The following EXOC6B variants were observed in gnomAD, a reference collection of about 807,000 sequenced individuals.
EXOC6B encodes the protein SEC15 homolog B.
EXOC6B carries 54 observed loss-of-function variants against 113.5 expected under a neutral mutation model. The ratio of observed to expected loss-of-function variants is 0.48; its 90% CI spans 0.38 to 0.60. EXOC6B has a LOEUF of 0.60. Ranked by LOEUF, EXOC6B falls within the 20% of genes least tolerant of loss-of-function variation. The pLI, the probability that EXOC6B is intolerant of heterozygous loss-of-function variation, is 0.00. For synonymous variants in EXOC6B, 357 were observed against 339.0 expected, an observed-to-expected ratio of 1.05 and a Z score of -0.58; for missense variants, 797 against 977.5, an observed-to-expected ratio of 0.82 and a Z score of 2.46.
chr2:72,688,612 C>A (rs948978516), intron 6 of EXOC6B, among the ~76,000 whole-genome samples: 1 of 152,076 alleles, frequency 6.6e-6, no homozygotes, highest in Admixed American at 6.6e-5. Flanking sequence ...CCAGAGAAAG[C>A]CCTTTGGCAA....
chr2:72,414,643 C>G (rs1217258944), intron 18 of EXOC6B, among the ~76,000 whole-genome samples: 1 of 152,156 alleles, frequency 6.6e-6, no homozygotes, highest in East Asian at 1.9e-4. Context: ...AAATTAATGA[C>G]CTTCACTAGC....
chr2:72,378,379 GT>G (rs921275212), intron 19 of EXOC6B, among the ~76,000 whole-genome samples: 24 of 152,272 alleles, frequency 1.6e-4, no homozygotes, highest in African/African-American at 5.8e-4. Flanking sequence ...ACTGCTTTTT[GT>G]TTGGGCTCTG....
chr2:72,804,972 C>T (rs536948927), intron 1 of EXOC6B, among the ~76,000 whole-genome samples: 26 of 152,126 alleles, frequency 1.7e-4, no homozygotes, highest in Non-Finnish European at 2.9e-4. Flanking sequence ...AGCCAACTGA[C>T]GAAACCAAGG....
chr2:72,312,733 C>T (rs1687270395), intron 20 of EXOC6B, among the ~76,000 whole-genome samples: 1 of 141,666 alleles, frequency 7.1e-6, no homozygotes, highest in South Asian at 2.5e-4. Flanking sequence ...CCAGCCTGGG[C>T]AACAAGAGCA....
chr2:72,683,868 C>T (rs1676891606), intron 6 of EXOC6B, among the ~76,000 whole-genome samples: 1 of 152,074 alleles, frequency 6.6e-6, no homozygotes, highest in Admixed American at 6.6e-5. Flanking sequence ...CTTTCTTCAC[C>T]CATTGCTTCG....
chr2:72,311,498 C>T lies in EXOC6B; in HGVS notation c.2196+23449G>A, dbSNP rs1398823817. ...CTTCAACTCTTTCCCCCTTCTTCTT[C>T]TACCTCATCTCTCTGAACCACTTTT... On this transcript the variant is annotated intron_variant, in intron 20 of 21. Transcript: ENST00000272427. Among the ~76,000 whole-genome samples, 6 of 152,242 alleles carry T rather than the reference C, an allele frequency of 3.9e-5. No homozygotes were observed. In the South Asian group the frequency reaches 1.0e-3, roughly 26 times the overall value.
At chr2:72,369,883 T>C (rs1313193519) in intron 19 of EXOC6B, among the ~76,000 whole-genome samples, 1 of 149,944 alleles carries the variant, frequency 6.7e-6, no homozygotes, top group African/African-American at 2.5e-5. Context: ...AAGACTTAAA[T>C]GTTAGACCTA....
chr2:72,323,766 A>G (rs547084899), intron 20 of EXOC6B, among the ~76,000 whole-genome samples: 4 of 151,736 alleles, frequency 2.6e-5, no homozygotes, highest in African/African-American at 4.8e-5. Context: ...GTTCCCACTC[A>G]TAAGTGGGAG....
At chr2:72,809,935 T>G (rs1224999289) in intron 1 of EXOC6B, among the ~76,000 whole-genome samples, 2 of 152,074 alleles carry the variant, frequency 1.3e-5, no homozygotes, top group Non-Finnish European at 2.9e-5. Flanking sequence ...CCAACAGCAG[T>G]TGAACACACA....
chr2:72,700,792 C>T (rs1573646988), intron 6 of EXOC6B, among the ~76,000 whole-genome samples: 1 of 151,996 alleles, frequency 6.6e-6, no homozygotes, highest in South Asian at 2.1e-4. Context: ...CTCTACTAAA[C>T]ATACAAAAAT....
rs574732317 is a variant in EXOC6B at position 72,806,554 on chromosome 2, G to A, written c.113+19244C>T. ...TTCCTTTAGGTATATACCCAGTAATGGGATTGCTGGATCAAATGTTAGCTC... is the reference window on the plus strand; with the variant it reads ...TTCCTTTAGGTATATACCCAGTAATAGGATTGCTGGATCAAATGTTAGCTC... On this transcript the variant is annotated intron_variant, in intron 1 of 21. Transcript: ENST00000272427. Among the ~76,000 whole-genome samples the A allele has an allele frequency of 1.1e-4, 16 of 152,302 alleles. No individual in the cohort carries two copies. The South Asian group carries it at 3.3e-3, about 32-fold the overall frequency.
chr2:72,421,259 C>G (rs896262016), intron 18 of EXOC6B, among the ~76,000 whole-genome samples: 1 of 152,114 alleles, frequency 6.6e-6, no homozygotes, highest in African/African-American at 2.4e-5. Flanking sequence ...TCCCAAATAG[C>G]CTTAAGTCTA....
intron 21 of EXOC6B, 70 bp from the exon 22 acceptor site, chr2:72,179,531 A>G (rs1677956970): frequency 6.3e-7 from 1 of 1,575,492 alleles, no homozygotes; most frequent in Non-Finnish European, 8.7e-7. Context: ...ACCTGCAGGA[A>G]GCAGGATGGC....
intron 5 of EXOC6B, among the ~76,000 whole-genome samples, chr2:72,727,775 T>C (rs1160644695): frequency 6.6e-6 from 1 of 152,088 alleles, no homozygotes; most frequent in African/African-American, 2.4e-5. Flanking sequence ...CAAAATAAAT[T>C]TGATTATACC....
intron 18 of EXOC6B, among the ~76,000 whole-genome samples, chr2:72,380,367 C>T (rs917546467): frequency 1.3e-5 from 2 of 152,128 alleles, no homozygotes; most frequent in African/African-American, 2.4e-5. Flanking sequence ...TGGCCAGGAG[C>T]GGTGGCTCAC....
At chr2:72,775,284 C>A (rs760756125) in intron 1 of EXOC6B, among the ~76,000 whole-genome samples, 1 of 152,200 alleles carries the variant, frequency 6.6e-6, no homozygotes, top group Non-Finnish European at 1.5e-5. Context: ...AAGGCTTGGT[C>A]TTTCTGGCAA....
rs184836356 is a variant in EXOC6B at position 72,559,072 on chromosome 2, A to T, written c.915+381T>A. Among the ~76,000 whole-genome samples the T allele has an allele frequency of 3.3e-5, 5 of 152,322 alleles. 1 individual carries two copies. In the East Asian group the frequency reaches 7.7e-4, roughly 24 times the overall value. ...CCCACACAGAGAGGTTCCCTTTTCC[A>T]TATGCTTTATATGACAAAAGGAGTA... On this transcript the variant is annotated intron_variant, in intron 8 of 21. Coordinates refer to ENST00000272427, the MANE Select transcript of EXOC6B (RefSeq NM_015189.3).
In EXOC6B at chr2:72,481,881, A is replaced by G. The variant is rs1034702770; in HGVS notation, c.1666-1131T>C. Among the ~76,000 whole-genome samples the G allele has an allele frequency of 2.6e-5, 4 of 152,218 alleles. No individual in the cohort carries two copies. In the East Asian group the frequency reaches 5.8e-4, roughly 22 times the overall value. On this transcript the variant is annotated intron_variant, in intron 16 of 21. Transcript: ENST00000272427. ...AAGAGGAAGATAAAGAAGAATAACT[A>G]TTATTGTCTGTATAGAATTAAGGAT...
chr2:72,595,687 A>AT (rs1295765004), intron 6 of EXOC6B, among the ~76,000 whole-genome samples: 1 of 152,028 alleles, frequency 6.6e-6, no homozygotes, highest in Non-Finnish European at 1.5e-5. Flanking sequence ...AGTGACACAA[A>AT]TTTTTTTAAA....
Sources: gnomAD v4.1 joint callset for allele counts (sites outside exome capture counted in the v4.1 genomes callset) on GRCh38, gnomAD v4.1.1 for gene constraint, MANE v1.5 for transcripts, NCBI Gene and HGNC (gene_info 2026-07-23, HGNC 2026-07-21) for gene names.